TRIM71: variants seen among roughly 807,000 people sequenced by gnomAD.
TRIM71 encodes tripartite motif containing 71.
TRIM71 carries 9 observed loss-of-function variants against 61.2 expected under a neutral mutation model. That is an observed-to-expected ratio of 0.15 (90% CI 0.09 to 0.26). TRIM71 has a LOEUF of 0.26. Ranked by LOEUF, TRIM71 falls within the 10% of genes least tolerant of loss-of-function variation. The pLI is 1.00. For synonymous variants in TRIM71, 645 were observed against 553.2 expected (o/e 1.17, Z -2.33); for missense variants, 998 against 1,238.7 (o/e 0.81, Z 2.92).
chr3:32,841,509 A>G (rs1032799054), intron 1 of TRIM71, among the ~76,000 whole-genome samples: 2 of 151,672 alleles, frequency 1.3e-5, no homozygotes, highest in Non-Finnish European at 2.9e-5. Context: ...CTGTCTCTAC[A>G]AAAAAAATAC....
In TRIM71 at chr3:32,874,324, T is replaced by TTATTAC. The variant is rs1247167704; in HGVS notation, c.1020+341_1020+342insTTACTA. 1.7e-4 allele frequency among the ~76,000 whole-genome samples: 21 copies of TTATTAC among 121,566 alleles called. No individual in the cohort carries two copies. The East Asian group carries it at 3.1e-3, about 18-fold the overall frequency. The allele number at this position is 121,566 out of a possible 152,430, so 79.8% of individuals were successfully genotyped here. On this transcript the variant is annotated intron_variant, in intron 2 of 3. Transcript: ENST00000383763. ...AGAAAGGCTGGGTGCTTAATGCTTA[T>TTATTAC]TACTACTACTACTACTACTACTACT...
Position 32,833,077 on chromosome 3 carries a change from A to T in TRIM71, c.852+14145A>T, listed in dbSNP as rs141829048. 9.0e-3 allele frequency among the ~76,000 whole-genome samples: 1,344 copies of T among 149,250 alleles called. 15 individuals are homozygous for T. The highest frequency in any genetic ancestry group is 0.03 in the African/African-American group (1,237 of 40,692). ...GTCATCCCAGCTACTCGGGAGGCTG[A>T]GGCAGGAGAATCACTGGAACCCGGG... On this transcript the variant is annotated intron_variant, in intron 1 of 3. Transcript: ENST00000383763.
Position 32,889,194 on chromosome 3 carries a change from C to CGTACT in TRIM71, c.1156-1166_1156-1165insGTACT, listed in dbSNP as rs1046121299. Among the ~76,000 whole-genome samples the CGTACT allele has an allele frequency of 7.2e-4, 110 of 152,310 alleles. 2 individuals are homozygous for CGTACT. The highest frequency in any genetic ancestry group is 2.3e-3 in the African/African-American group (94 of 41,560). ...ATATTTTCTGTGGGTTACTGCAGTA[C>CGTACT]CTCCAATGCCTGGCAAAGTGTAGGT... On this transcript the variant is annotated intron_variant, in intron 3 of 3. Transcript: ENST00000383763.
Position 32,818,055 on chromosome 3 carries a change from C to G in TRIM71, c.-26C>G. 1 of 1,607,004 alleles carries G rather than the reference C, an allele frequency of 6.2e-7. No homozygotes were observed. Among genetic ancestry groups the G allele is most frequent in the Non-Finnish European group, 8.5e-7 (1 of 1,175,332 alleles). On this transcript the variant is annotated 5_prime_UTR_variant, in exon 1 of 4. Transcript: ENST00000383763. ...TCCTCCTCCTCTTCCTCTCTGGTCT[C>G]CTCCCTCCTCCGGGCTGGGTTGCAA...
At chr3:32,850,076 T>C (rs1021400944) in intron 1 of TRIM71, among the ~76,000 whole-genome samples, 34 of 152,230 alleles carry the variant, frequency 2.2e-4, no homozygotes, top group Non-Finnish European at 4.3e-4. Flanking sequence ...ATTTAGGCCC[T>C]GTGGCATGGA....
intron 3 of TRIM71, among the ~76,000 whole-genome samples, chr3:32,888,094 A>G (rs951250682): frequency 3.3e-5 from 5 of 152,196 alleles, no homozygotes; most frequent in African/African-American, 1.2e-4. Flanking sequence ...ACAAAATTCC[A>G]TATTTCTAAA....
In TRIM71 at chr3:32,891,787, C is replaced by T. The variant is rs376650354; in HGVS notation, c.2583C>T (p.Gly861=). 44 of 1,614,020 alleles carry T rather than the reference C, an allele frequency of 2.7e-5. No individual in the cohort carries two copies. The highest frequency in any genetic ancestry group is 3.5e-5 in the Non-Finnish European group (41 of 1,180,034). ...PDGMIVVVDF[G]NNRILVF ...GAATGATCGTTGTGGTGGACTTTGG[C>T]AACAATCGAATCCTCGTCTTCTAAT... The change falls in exon 4 of 4, where the codon GGC becomes GGT. Residue 861 remains glycine (G), a synonymous_variant. Coordinates refer to ENST00000383763, the MANE Select transcript of TRIM71 (RefSeq NM_001039111.3). This position sits in a 1 kb window ranked among gnomAD's most constrained non-coding sequence, Gnocchi z 8.2.
intron 1 of TRIM71, among the ~76,000 whole-genome samples, chr3:32,822,744 A>T (rs1009488963): frequency 3.9e-5 from 6 of 152,226 alleles, no homozygotes; most frequent in African/African-American, 1.4e-4. Flanking sequence ...CTTACACTGC[A>T]TGTCGAAGTA....
Position 32,818,017 on chromosome 3 carries a change from C to A in TRIM71, c.-64C>A. The A allele has an allele frequency of 6.6e-7, 1 of 1,509,698 alleles. No homozygotes were observed. The highest frequency in any genetic ancestry group is 9.1e-7 in the Non-Finnish European group (1 of 1,096,512). 93.5% of individuals were successfully genotyped at this position (1,509,698 alleles called of 1,614,324 possible). On this transcript the variant is annotated 5_prime_UTR_variant, in exon 1 of 4. Transcript: ENST00000383763. ...CGGTGACTCCCCCACCCACCTCGTC[C>A]GCTCTCTCCTCCTCCTCCTCCTCTT...
intron 1 of TRIM71, among the ~76,000 whole-genome samples, chr3:32,853,116 CTCTCT>C (rs1225335520): frequency 6.7e-3 from 254 of 37,742 alleles, no homozygotes; most frequent in African/African-American, 0.015. Context: ...CTCTCTCTCT[CTCTCT>C]TTTTTTTTTT....
chr3:32,890,245 T>A lies in TRIM71; in HGVS notation c.1156-115T>A. 7.3e-7 allele frequency: 1 copy of A among 1,377,006 alleles called. No homozygotes were observed. The highest frequency in any genetic ancestry group is 2.3e-5 in the Admixed American group (1 of 44,378). 85.3% of individuals were successfully genotyped at this position (1,377,006 alleles called of 1,614,324 possible). A position where few individuals can be genotyped will look rare whatever the true frequency, so the allele number is the denominator to read the frequency against. On this transcript the variant is annotated intron_variant, in intron 3 of 3. Transcript: ENST00000383763. This position sits in a 1 kb window ranked among gnomAD's most constrained non-coding sequence, Gnocchi z 6.2. ...AAAGACAGATGTCTTTTGTAGACCA[T>A]CCCACAATATGTGTTTGTCTGATGC...
chr3:32,847,338 A>G (rs1696487337), intron 1 of TRIM71, among the ~76,000 whole-genome samples: 1 of 151,984 alleles, frequency 6.6e-6, no homozygotes, highest in African/African-American at 2.4e-5. Context: ...CTGGGATTAC[A>G]GGCACGTGCC....
chr3:32,880,094 G>C (rs116575757), intron 2 of TRIM71, among the ~76,000 whole-genome samples: 3,634 of 151,998 alleles, frequency 0.024, 168 homozygotes, highest in African/African-American at 0.082. Context: ...TGTCGCCCAG[G>C]CTGGAACGCA....
chr3:32,847,165 C>CTCCAAGCTGCTCTCCA, intron 1 of TRIM71, among the ~76,000 whole-genome samples: 1 of 150,644 alleles, frequency 6.6e-6, no homozygotes, highest in Non-Finnish European at 1.5e-5. Context: ...GCTTGGACTA[C>CTCCAAGCTGCTCTCCA]AGGCTCTCGC....
chr3:32,890,043 C>T lies in TRIM71; in HGVS notation c.1156-317C>T, dbSNP rs1254015028. ...TTTTGATACAGTACTAGCATCTACT[C>T]CTCAGTCCATAATCAAGGTTCAACA... On this transcript the variant is annotated intron_variant, in intron 3 of 3. Transcript: ENST00000383763. This position sits in a 1 kb window ranked among gnomAD's most constrained non-coding sequence, Gnocchi z 6.2. 2.0e-5 allele frequency among the ~76,000 whole-genome samples: 3 copies of T among 152,142 alleles called. No individual in the cohort carries two copies. The highest frequency in any genetic ancestry group is 4.4e-5 in the Non-Finnish European group (3 of 68,034).
At chr3:32,859,390 G>A (rs1696640735) in intron 1 of TRIM71, among the ~76,000 whole-genome samples, 1 of 152,124 alleles carries the variant, frequency 6.6e-6, no homozygotes, top group African/African-American at 2.4e-5. Flanking sequence ...CTCCCAAGAA[G>A]CTGGGATTAC....
In TRIM71 at chr3:32,891,947, T is replaced by A. The variant is rs563926403; in HGVS notation, c.*136T>A. On this transcript the variant is annotated 3_prime_UTR_variant, in exon 4 of 4. Coordinates refer to ENST00000383763, the MANE Select transcript of TRIM71 (RefSeq NM_001039111.3). This position sits in a 1 kb window ranked among gnomAD's most constrained non-coding sequence, Gnocchi z 8.2. ...AAATTTCTTTTTTCTTTTTTTTTTT[T>A]AAAGAGAACAAGAAAAGTACAACAT... 3.9e-5 allele frequency: 47 copies of A among 1,209,832 alleles called. No individual in the cohort carries two copies. Among genetic ancestry groups the A allele is most frequent in the African/African-American group, 4.6e-5 (3 of 64,584 alleles). The allele number at this position is 1,209,832 out of a possible 1,614,324, so 74.9% of individuals were successfully genotyped here.
At chr3:32,845,895 A>T (rs1475298938) in intron 1 of TRIM71, among the ~76,000 whole-genome samples, 1 of 147,498 alleles carries the variant, frequency 6.8e-6, no homozygotes, top group African/African-American at 2.5e-5. Context: ...TAATTTTTGT[A>T]TTTTTAGTAG....
intron 2 of TRIM71, among the ~76,000 whole-genome samples, chr3:32,884,162 G>A (rs1696936559): frequency 6.6e-6 from 1 of 152,096 alleles, no homozygotes; most frequent in Admixed American, 6.5e-5. Context: ...TGTTGGCCAG[G>A]CTGGTCTTAA....
Sources: allele counts gnomAD v4.1 joint callset (sites outside exome capture counted in the v4.1 genomes callset), GRCh38; gene constraint gnomAD v4.1.1; non-coding constraint Gnocchi (gnomAD v3.1); transcripts MANE v1.5; gene names NCBI Gene and HGNC (gene_info 2026-07-23, HGNC 2026-07-21).